The following SETD2 variants were observed in gnomAD, a reference collection of about 807,000 sequenced individuals.
SETD2 encodes histone-lysine N-methyltransferase SETD2.
SETD2 carries 31 observed loss-of-function variants against 242.1 expected under a neutral mutation model. The ratio of observed to expected loss-of-function variants is 0.13; its 90% CI spans 0.10 to 0.17. The LOEUF (loss-of-function observed/expected upper bound fraction) is 0.17. Ranked by LOEUF, SETD2 falls within the 10% of genes least tolerant of loss-of-function variation. The probability of loss-of-function intolerance (pLI) is 1.00; values close to 1 mark genes in which losing one functional copy is unlikely to be tolerated. For missense variants in SETD2, 2,481 were observed against 3,046.3 expected (o/e 0.81, Z 4.37); for synonymous variants, 1,006 against 1,066.5 (o/e 0.94, Z 1.11).
intron 15 of SETD2, chr3:47,047,035 A>G (rs2039563153): frequency 1.3e-5 from 2 of 153,622 alleles, no homozygotes; most frequent in Non-Finnish European, 2.9e-5. Context: ...TTTGCTACCA[A>G]CTTGTAATAA....
At chr3:47,136,114 T>C (rs2043584791) in intron 1 of SETD2, among the ~76,000 whole-genome samples, 1 of 152,172 alleles carries the variant, frequency 6.6e-6, no homozygotes, top group South Asian at 2.1e-4. Context: ...GATTATCCCA[T>C]ATACCTAATT....
At chr3:47,103,149 T>A (rs1468220539) in intron 7 of SETD2, among the ~76,000 whole-genome samples, 197 bp downstream of exon 7, 1 of 152,206 alleles carries the variant, frequency 6.6e-6, no homozygotes, top group African/African-American at 2.4e-5. Context: ...AAGACTGATA[T>A]ATGGGTGTAG....
intron 11 of SETD2, among the ~76,000 whole-genome samples, chr3:47,085,620 T>C (rs1206144519): frequency 6.6e-6 from 1 of 152,232 alleles, no homozygotes; most frequent in African/African-American, 2.4e-5. Flanking sequence ...TTTTTGTTTG[T>C]TTTTAAAAGT....
At chr3:47,142,256 C>T (rs1001354728) in intron 1 of SETD2, among the ~76,000 whole-genome samples, 1 of 152,196 alleles carries the variant, frequency 6.6e-6, no homozygotes, top group East Asian at 1.9e-4. Context: ...ATCTGTAATC[C>T]CAGCACTTTG....
intron 9 of SETD2, among the ~76,000 whole-genome samples, chr3:47,096,552 A>G (rs2042011618): frequency 7.1e-6 from 1 of 140,384 alleles, no homozygotes; most frequent in African/African-American, 2.8e-5. Context: ...AGCCTAAGCA[A>G]CAGAATGAGA....
At chr3:47,103,734 G>A (rs1394017044) in intron 6 of SETD2, among the ~76,000 whole-genome samples, 12 of 105,158 alleles carry the variant, frequency 1.1e-4, no homozygotes, top group African/African-American at 1.7e-4. Context: ...TACATGCAAT[G>A]CACACGCACG....
chr3:47,125,419 G>A lies in SETD2; in HGVS notation c.88-871C>T, dbSNP rs557624034. Among the ~76,000 whole-genome samples the A allele has an allele frequency of 7.9e-5, 12 of 152,218 alleles. No homozygotes were observed. In the South Asian group the frequency reaches 2.5e-3, roughly 32 times the overall value. ...TCAACGAGCTATTGAGCTCTAAGAT[G>A]AGGAAAGGGTTTGTTTTTTGGGGTG... On this transcript the variant is annotated intron_variant, in intron 2 of 20. Coordinates refer to ENST00000409792, the MANE Select transcript of SETD2 (RefSeq NM_014159.7).
intron 18 of SETD2, among the ~76,000 whole-genome samples, chr3:47,022,009 T>A (rs1216844697): frequency 3.3e-5 from 5 of 151,868 alleles, no homozygotes; most frequent in African/African-American, 1.2e-4. Flanking sequence ...TAGCTGGGCG[T>A]GGTGGCGCGT....
chr3:47,154,003 A>G (rs1443907700), intron 1 of SETD2, among the ~76,000 whole-genome samples: 2 of 152,208 alleles, frequency 1.3e-5, no homozygotes, highest in African/African-American at 4.8e-5. Context: ...GTAGCACAAT[A>G]TGCCCTAAGG....
intron 15 of SETD2, among the ~76,000 whole-genome samples, chr3:47,051,599 A>G (rs1217451513): frequency 1.3e-5 from 2 of 152,142 alleles, no homozygotes; most frequent in Non-Finnish European, 2.9e-5. Flanking sequence ...TTCATTTCCT[A>G]CTACTGGTAT....
At chr3:47,088,048 T>A in intron 10 of SETD2, 65 bp downstream of exon 10, 1 of 1,447,178 alleles carries the variant, frequency 6.9e-7, no homozygotes. Flanking sequence ...TCCTTCTTCA[T>A]TCATCTTCAT....
At chr3:47,055,832 G>A (rs1215528124) in intron 15 of SETD2, among the ~76,000 whole-genome samples, 5 of 151,524 alleles carry the variant, frequency 3.3e-5, no homozygotes, top group South Asian at 2.1e-4. Context: ...CTAACACGGC[G>A]AAACCCCGTC....
At position 47,163,969 on chromosome 3, in the gene SETD2, G is replaced by C; in HGVS notation, c.-45C>G. ...CGACGCGAGCCCCCTCCCCGCAGCA[G>C]GGCGACGCGGGGGAGGGGAGGGGAG... On this transcript the variant is annotated 5_prime_UTR_variant, in exon 1 of 21. Coordinates refer to ENST00000409792, the MANE Select transcript of SETD2 (RefSeq NM_014159.7). The C allele has an allele frequency of 1.6e-6, 2 of 1,263,208 alleles. No individual in the cohort carries two copies. Among genetic ancestry groups the C allele is most frequent in the Non-Finnish European group, 2.0e-6 (2 of 997,106 alleles). The allele number at this position is 1,263,208 out of a possible 1,614,324, so 78.2% of individuals were successfully genotyped here. A position where few individuals can be genotyped will look rare whatever the true frequency, so the allele number is the denominator to read the frequency against.
chr3:47,050,032 A>G (rs2039755619), intron 15 of SETD2, among the ~76,000 whole-genome samples: 1 of 148,536 alleles, frequency 6.7e-6, no homozygotes, highest in Middle Eastern at 3.6e-3. Context: ...ATATATGGGA[A>G]AAACATACAT....
intron 3 of SETD2, among the ~76,000 whole-genome samples, chr3:47,117,547 A>G (rs1351349004): frequency 6.6e-6 from 1 of 152,226 alleles, no homozygotes; most frequent in African/African-American, 2.4e-5. Context: ...TAGTTGAGAT[A>G]TAAGATTGAG....
In SETD2 at chr3:47,074,023, C is replaced by T. The variant is rs567645807; in HGVS notation, c.6061-6905G>A. 5.3e-5 allele frequency among the ~76,000 whole-genome samples: 8 copies of T among 152,286 alleles called. No homozygotes were observed. In the East Asian group the frequency reaches 1.2e-3, roughly 22 times the overall value. On this transcript the variant is annotated intron_variant, in intron 12 of 20. Coordinates refer to ENST00000409792, the MANE Select transcript of SETD2 (RefSeq NM_014159.7). ...GCATATTCCTACGTGTGAATGTGTGCAATGACTTAGGTGAAAATTACTTGC... is the reference window on the plus strand; with the variant it reads ...GCATATTCCTACGTGTGAATGTGTGTAATGACTTAGGTGAAAATTACTTGC...
At position 47,056,904 on chromosome 3, in the gene SETD2, T is replaced by A. The variant is rs755724649; in HGVS notation, c.6880A>T (p.Thr2294Ser). 2 of 1,614,226 alleles carry A rather than the reference T, an allele frequency of 1.2e-6. No individual in the cohort carries two copies. Among genetic ancestry groups the A allele is most frequent in the Non-Finnish European group, 1.7e-6 (2 of 1,180,012 alleles). ...CATGTCTGTCCTTGATAATATATGGTTGCTTGAGACTGTGCAGGAGAGTAC... is the reference window on the plus strand; with the variant it reads ...CATGTCTGTCCTTGATAATATATGGATGCTTGAGACTGTGCAGGAGAGTAC... ...QQYSPAQSQA[T>S]IYYQGQTCPT... The change falls in exon 15 of 21, where the codon ACC (threonine) becomes TCC (serine). Residue 2294 changes from threonine (T) to serine (S), a missense_variant. This residue lies in a region of SETD2 where 235 missense variants were observed against 293.9 expected (regional missense o/e 0.80). Transcript: ENST00000409792.
At chr3:47,080,079 C>T (rs1469823187) in intron 12 of SETD2, among the ~76,000 whole-genome samples, 1 of 152,156 alleles carries the variant, frequency 6.6e-6, no homozygotes, top group Non-Finnish European at 1.5e-5. Context: ...ACAATATTAG[C>T]GAGGGAGTGA....
chr3:47,122,707 A>G lies in SETD2; in HGVS notation c.1929T>C (p.His643=), dbSNP rs1181265083. 1 of 1,611,968 alleles carries G rather than the reference A, an allele frequency of 6.2e-7. No individual in the cohort carries two copies. Among genetic ancestry groups the G allele is most frequent in the Non-Finnish European group, 8.5e-7 (1 of 1,179,252 alleles). ...LPIFKSEFIT[H]DSHDSIKELD... ...ATTCCTTAATACTATCATGGCTATC[A>G]TGTGTTATAAATTCGGACTTAAAAA... is the stretch of plus-strand genomic sequence containing the variant. The change falls in exon 3 of 21, where the codon CAT becomes CAC. Residue 643 remains histidine, a synonymous_variant. Transcript: ENST00000409792.
Sources: allele counts gnomAD v4.1 joint callset (sites outside exome capture counted in the v4.1 genomes callset), GRCh38; gene constraint gnomAD v4.1.1; regional missense constraint gnomAD v4.1.1; transcripts MANE v1.5; gene names NCBI Gene and HGNC (gene_info 2026-07-23, HGNC 2026-07-21).